ATP9B: variants seen among roughly 807,000 people sequenced by gnomAD.
The protein encoded by ATP9B is ATPase phospholipid transporting 9B, also known as probable phospholipid-transporting ATPase IIB.
In ATP9B, 110 loss-of-function variants were observed where a neutral mutation model predicts 146.1. That is an observed-to-expected ratio of 0.75 (90% CI 0.65 to 0.88). ATP9B has a LOEUF of 0.88. Among genes scored for constraint, ATP9B ranks in the 40% least tolerant of loss-of-function variants. The pLI is 0.00. For missense variants in ATP9B, 1,499 were observed against 1,496.4 expected (o/e 1.00, Z -0.03); for synonymous variants, 604 against 569.7 (o/e 1.06, Z -0.86).
intron 7 of ATP9B, among the ~76,000 whole-genome samples, chr18:79,172,264 G>A (rs1412236774): frequency 3.1e-5 from 2 of 64,820 alleles, no homozygotes; most frequent in Non-Finnish European, 6.2e-5. Flanking sequence ...CGTAGCCACC[G>A]TGCCCCGCCC....
At chr18:79,200,750 T>C (rs7233710) in intron 9 of ATP9B, among the ~76,000 whole-genome samples, 7,752 of 67,268 alleles carry the variant, frequency 0.12, 32 homozygotes, top group African/African-American at 0.29. Flanking sequence ...AGAGCAGAGG[T>C]GGAGGTGGGA....
intron 1 of ATP9B, among the ~76,000 whole-genome samples, chr18:79,087,086 G>A (rs996701837): frequency 6.6e-6 from 1 of 152,196 alleles, no homozygotes. Context: ...TTGACGTCTG[G>A]TGAGGCCTTC....
chr18:79,089,620 TG>T (rs1405174904), intron 1 of ATP9B, among the ~76,000 whole-genome samples: 1 of 152,204 alleles, frequency 6.6e-6, no homozygotes, highest in Non-Finnish European at 1.5e-5. Context: ...AAAAAATTAT[TG>T]TTAATTATTC....
intron 1 of ATP9B, among the ~76,000 whole-genome samples, chr18:79,069,731 C>A (rs1393607888): frequency 2.0e-5 from 3 of 152,228 alleles, no homozygotes; most frequent in African/African-American, 4.8e-5. Flanking sequence ...GCTGCCGGGG[C>A]GAGCGGCTGC....
chr18:79,170,508 T>C (rs2095054058), intron 7 of ATP9B, among the ~76,000 whole-genome samples: 1 of 152,260 alleles, frequency 6.6e-6, no homozygotes. Context: ...CATTATTTAA[T>C]CTAAATGTGT....
At chr18:79,266,735 C>T (rs184033357) in intron 12 of ATP9B, among the ~76,000 whole-genome samples, 15 of 152,080 alleles carry the variant, frequency 9.9e-5, no homozygotes, top group South Asian at 2.1e-4. Context: ...TGTATTAACA[C>T]GGTAAATGAT....
intron 13 of ATP9B, among the ~76,000 whole-genome samples, chr18:79,280,497 T>G (rs1314638300): frequency 6.6e-6 from 1 of 152,212 alleles, no homozygotes; most frequent in Admixed American, 6.5e-5. Context: ...TAAAATAGTT[T>G]CAATACATAA....
At chr18:79,267,334 T>G (rs1472694034) in intron 12 of ATP9B, among the ~76,000 whole-genome samples, 2 of 152,098 alleles carry the variant, frequency 1.3e-5, no homozygotes, top group Non-Finnish European at 2.9e-5. Context: ...TCCAATAGGT[T>G]TGCCAGCTTT....
chr18:79,377,222 CT>C lies in ATP9B; in HGVS notation c.3308-20del, dbSNP rs752110265. 17 of 1,609,306 alleles carry C rather than the reference CT, an allele frequency of 1.1e-5. No individual in the cohort carries two copies. The African/African-American group carries it at 1.7e-4, about 16-fold the overall frequency. On this transcript the variant is annotated intron_variant, in intron 29 of 29. Coordinates refer to ENST00000426216, the MANE Select transcript of ATP9B (RefSeq NM_198531.5). ...CCAGGACTTCTTGGTCAGCTCTTAC[CT>C]TTTTCTCTGTTTCCTGCCAACAGAT...
At chr18:79,343,238 G>A (rs1368737600) in intron 20 of ATP9B, among the ~76,000 whole-genome samples, 2 of 152,128 alleles carry the variant, frequency 1.3e-5, no homozygotes, top group African/African-American at 4.8e-5. Flanking sequence ...ATCAATTTTT[G>A]TTGACTTTTC....
At chr18:79,235,578 G>A (rs186204289) in intron 11 of ATP9B, among the ~76,000 whole-genome samples, 208 of 152,238 alleles carry the variant, frequency 1.4e-3, no homozygotes, top group African/African-American at 4.8e-3. Context: ...AAGTGCACAC[G>A]TTTTAAAACT....
chr18:79,106,272 TC>T (rs1430887068), intron 2 of ATP9B, among the ~76,000 whole-genome samples: 3 of 152,226 alleles, frequency 2.0e-5, no homozygotes, highest in Non-Finnish European at 2.9e-5. Flanking sequence ...CCCAAGGACT[TC>T]TGTTTGCTTC....
intron 5 of ATP9B, among the ~76,000 whole-genome samples, chr18:79,138,141 T>A (rs571021942): frequency 8.5e-5 from 13 of 152,352 alleles, no homozygotes; most frequent in African/African-American, 2.9e-4. Flanking sequence ...AGATAAATTG[T>A]AACTTTTTGT....
At chr18:79,070,393 C>A (rs1208088959) in intron 1 of ATP9B, among the ~76,000 whole-genome samples, 1 of 152,174 alleles carries the variant, frequency 6.6e-6, no homozygotes, top group Non-Finnish European at 1.5e-5. Flanking sequence ...AGTGTTTACC[C>A]ACTAGCGATT....
At chr18:79,094,187 G>C (rs957850962) in intron 1 of ATP9B, among the ~76,000 whole-genome samples, 1 of 152,208 alleles carries the variant, frequency 6.6e-6, no homozygotes, top group Non-Finnish European at 1.5e-5. Flanking sequence ...AGGGCCTGTT[G>C]TGTAGGACCT....
intron 17 of ATP9B, 78 bp from the exon 18 acceptor site, chr18:79,336,550 T>C (rs2096828151): frequency 7.5e-7 from 1 of 1,328,684 alleles, no homozygotes; most frequent in African/African-American, 1.5e-5. Flanking sequence ...GCAATCAGAG[T>C]GTGGCACTGC....
intron 13 of ATP9B, among the ~76,000 whole-genome samples, chr18:79,280,015 A>G (rs1414612193): frequency 2.0e-5 from 3 of 152,236 alleles, no homozygotes; most frequent in African/African-American, 7.2e-5. Context: ...ACACCAGAAG[A>G]CATGCATAAG....
intron 9 of ATP9B, among the ~76,000 whole-genome samples, chr18:79,195,768 A>G (rs1377321567): frequency 6.6e-6 from 1 of 152,208 alleles, no homozygotes; most frequent in Admixed American, 6.5e-5. Context: ...GGGGATGCAC[A>G]GTAAGAGATA....
chr18:79,290,636 T>C (rs899503716), intron 13 of ATP9B, among the ~76,000 whole-genome samples: 4 of 152,200 alleles, frequency 2.6e-5, no homozygotes, highest in African/African-American at 9.6e-5. Flanking sequence ...CTGGGCCCAC[T>C]GTCTGGCACT....
Sources: allele counts gnomAD v4.1 joint callset (sites outside exome capture counted in the v4.1 genomes callset), GRCh38; gene constraint gnomAD v4.1.1; transcripts MANE v1.5; gene names NCBI Gene and HGNC (gene_info 2026-07-23, HGNC 2026-07-21).